Variants in OSMR observed in about 807,000 individuals in gnomAD.
OSMR encodes oncostatin-M-specific receptor subunit beta.
A neutral mutation model predicts 99.9 loss-of-function variants in OSMR; 81 were observed. The ratio of observed to expected loss-of-function variants is 0.81; its 90% confidence interval spans 0.68 to 0.97. The LOEUF (loss-of-function observed/expected upper bound fraction) is 0.97, where lower values mean the gene tolerates loss of function less well. OSMR is among the 50% of genes least tolerant of loss of function. The pLI is 0.00. For missense variants in OSMR, 1,099 were observed against 1,153.4 expected (o/e 0.95, Z 0.68); for synonymous variants, 406 against 410.4 (o/e 0.99, Z 0.13).
At chr5:38,846,969 C>T (rs937442907) in intron 1 of OSMR, among the ~76,000 whole-genome samples, 2 of 152,230 alleles carry the variant, frequency 1.3e-5, no homozygotes, top group Admixed American at 6.5e-5. Context: ...TGCCTGCATC[C>T]GTCCATCCAT....
intron 9 of OSMR, among the ~76,000 whole-genome samples, chr5:38,917,028 G>A (rs1444903165): frequency 6.6e-6 from 1 of 152,030 alleles, no homozygotes; most frequent in Non-Finnish European, 1.5e-5. Context: ...CGCAGGCAAG[G>A]TGCTGGGAGG....
At position 38,933,245 on chromosome 5, in the gene OSMR, GT is replaced by G. The variant is rs1375416809; in HGVS notation, c.2744del (p.Leu915Ter). ...SLGEIPAGET[S>X]LNYVSQLASP... ...GGAGAAATCCCAGCTGGAGAAACAA[GT>G]TTGAATTATGTGTCCCAGTTGGCTT... On this transcript the variant is annotated frameshift_variant, in exon 18 of 18. Transcript: ENST00000274276. LOFTEE classifies it low-confidence loss of function (END_TRUNC). 6.2e-7 allele frequency: 1 copy of G among 1,614,168 alleles called. No homozygotes were observed. The highest frequency in any genetic ancestry group is 1.7e-5 in the Admixed American group (1 of 60,020).
Position 38,933,382 on chromosome 5 carries a change from C to T in OSMR, c.2878C>T (p.Pro960Ser). The T allele has an allele frequency of 1.9e-6, 3 of 1,614,070 alleles. No individual in the cohort carries two copies. In the African/African-American group the frequency reaches 4.0e-5, roughly 22 times the overall value. Residue 960 changes from proline to serine, a missense_variant, in exon 18 of 18, where the codon CCG (proline) becomes TCG (serine). Physicochemically the swap from Pro to Ser is moderately conservative, Grantham distance 74. Coordinates refer to ENST00000274276, the MANE Select transcript of OSMR (RefSeq NM_003999.3). ...AVSLRLALPP[P>S]TENSSLSSIT... Reference sequence around the variant, plus strand: ...CTCCCTGCGTCTTGCCTTGCCTCCCCCGACCGAGAATAGCAGCCTCTCCTC... The same window carrying T: ...CTCCCTGCGTCTTGCCTTGCCTCCCTCGACCGAGAATAGCAGCCTCTCCTC...
Position 38,925,221 on chromosome 5 carries a change from A to G in OSMR, c.2062A>G (p.Lys688Glu), listed in dbSNP as rs1469575789. The change falls in exon 15 of 18, where the codon AAA (lysine) becomes GAA (glutamate). Residue 688 changes from lysine to glutamate, a missense_variant. By Grantham distance (56) the Lys-to-Glu change is moderately conservative (BLOSUM62 1). Transcript: ENST00000274276. ...AATCACAGATGGTTCAGAATGTTGCAAATACAAAATTGACAACCCGGAAGA... is the reference window on the plus strand; with the variant it reads ...AATCACAGATGGTTCAGAATGTTGCGAATACAAAATTGACAACCCGGAAGA... Reference protein sequence around the residue: ...AVLSDGSECCKYKIDNPEEKA... With the variant: ...AVLSDGSECCEYKIDNPEEKA... The G allele has an allele frequency of 6.2e-7, 1 of 1,614,084 alleles. No individual in the cohort carries two copies. The highest frequency in any genetic ancestry group is 1.7e-5 in the Admixed American group (1 of 60,010).
intron 9 of OSMR, among the ~76,000 whole-genome samples, chr5:38,906,171 G>GT (rs3840339): frequency 0.6 from 89,390 of 148,548 alleles, 27,240 homozygotes; most frequent in African/African-American, 0.66. Flanking sequence ...TACGTTTTCT[G>GT]TTTTTTTTTT....
At chr5:38,887,220 T>C (rs1366048539) in intron 7 of OSMR, among the ~76,000 whole-genome samples, 1 of 152,198 alleles carries the variant, frequency 6.6e-6, no homozygotes, top group Non-Finnish European at 1.5e-5. Context: ...TATATGTCTA[T>C]TGATTAACAA....
intron 1 of OSMR, among the ~76,000 whole-genome samples, chr5:38,846,866 G>A (rs189329852): frequency 1.3e-5 from 2 of 152,294 alleles, no homozygotes; most frequent in East Asian, 3.9e-4. Context: ...ACTGAAATCC[G>A]AGCCCGGCTC....
intron 1 of OSMR, among the ~76,000 whole-genome samples, chr5:38,943,850 C>A (rs1747879189): frequency 6.6e-6 from 1 of 152,008 alleles, no homozygotes. Flanking sequence ...AAAAGCCCTG[C>A]AGGAGACCCT....
chr5:38,860,570 T>C (rs1469136826), intron 1 of OSMR, among the ~76,000 whole-genome samples: 1 of 152,218 alleles, frequency 6.6e-6, no homozygotes, highest in Non-Finnish European at 1.5e-5. Context: ...ATCAGGGTAA[T>C]GTGAGCCTTG....
At chr5:38,884,661 G>A (rs546545281) in intron 5 of OSMR, among the ~76,000 whole-genome samples, 5 of 152,326 alleles carry the variant, frequency 3.3e-5, no homozygotes, top group Admixed American at 6.5e-5. Flanking sequence ...TAGGAGATCA[G>A]CAAATGGAGG....
At chr5:38,921,144 TC>T (rs1266923657) in intron 11 of OSMR, among the ~76,000 whole-genome samples, 1 of 152,170 alleles carries the variant, frequency 6.6e-6, no homozygotes, top group African/African-American at 2.4e-5. Context: ...AGATTAAGGA[TC>T]AAAAAATTTT....
chr5:38,859,613 T>C (rs1185218403), intron 1 of OSMR, among the ~76,000 whole-genome samples: 1 of 152,182 alleles, frequency 6.6e-6, no homozygotes, highest in Non-Finnish European at 1.5e-5. Context: ...ATTTTAGAAT[T>C]GTTTTTCCTG....
Position 38,862,662 on chromosome 5 carries a change from T to C in OSMR, c.-13-6370T>C, listed in dbSNP as rs375475607. Among the ~76,000 whole-genome samples, 437 of 142,430 alleles carry C rather than the reference T, an allele frequency of 3.1e-3. 11 individuals carry two copies. In the East Asian group the frequency reaches 0.047, roughly 15 times the overall value. The allele number at this position is 142,430 out of a possible 152,430, so 93.4% of individuals were successfully genotyped here. On this transcript the variant is annotated intron_variant, in intron 1 of 17. Transcript: ENST00000274276. The stretch of plus-strand genomic sequence containing the variant: ...AGACGGGGCGGCAGGGCAGAGGCGC[T>C]CCCCACATCTCAGACGATGGGCTGC...
chr5:38,866,838 A>G lies in OSMR; in HGVS notation c.-13-2194A>G, dbSNP rs541164481. On this transcript the variant is annotated intron_variant, in intron 1 of 17. Transcript: ENST00000274276. Reference sequence around the variant, plus strand: ...AGGGTGGAGGGGCTGTCTTGTGGCTAGGATTATAGGAGTTCACAGTAGGAA... The same window carrying G: ...AGGGTGGAGGGGCTGTCTTGTGGCTGGGATTATAGGAGTTCACAGTAGGAA... Among the ~76,000 whole-genome samples, 6 of 152,244 alleles carry G rather than the reference A, an allele frequency of 3.9e-5. No individual in the cohort carries two copies. In the South Asian group the frequency reaches 1.2e-3, roughly 32 times the overall value.
chr5:38,940,074 G>A (rs1561425826), downstream of OSMR: 1 of 200,480 alleles, frequency 5.0e-6, no homozygotes, highest in East Asian at 7.2e-5. Context: ...TCTCCCCAAA[G>A]TAAGTGATAT....
downstream of OSMR, chr5:38,938,133 T>G: frequency 4.7e-6 from 1 of 213,040 alleles, no homozygotes. Context: ...AAAATATAAA[T>G]ACTTTTTCTT....
At chr5:38,936,748 AAG>A (rs781647400), downstream of OSMR, among the ~76,000 whole-genome samples, 1 of 152,224 alleles carries the variant, frequency 6.6e-6, no homozygotes, top group Admixed American at 6.5e-5. Flanking sequence ...AAAACTCTGG[AAG>A]AGAGAAAGTA....
intron 11 of OSMR, among the ~76,000 whole-genome samples, chr5:38,920,072 T>A (rs1746157275): frequency 6.6e-6 from 1 of 152,150 alleles, no homozygotes; most frequent in Non-Finnish European, 1.5e-5. Flanking sequence ...TCATTCAGCC[T>A]CGGGGAGCTG....
At chr5:38,856,950 A>T (rs1299923455) in intron 1 of OSMR, among the ~76,000 whole-genome samples, 1 of 152,172 alleles carries the variant, frequency 6.6e-6, no homozygotes, top group African/African-American at 2.4e-5. Flanking sequence ...CCCAGACAAG[A>T]CTATCTTGAT....
Sources: allele counts gnomAD v4.1 joint callset (sites outside exome capture counted in the v4.1 genomes callset), GRCh38; gene constraint gnomAD v4.1.1; transcripts MANE v1.5; gene names NCBI Gene and HGNC (gene_info 2026-07-23, HGNC 2026-07-21).